Variants in CMPK1 observed in about 807,000 individuals in gnomAD.
CMPK1 encodes the protein UMP-CMP kinase.
In CMPK1, 10 loss-of-function variants were observed where a neutral mutation model predicts 25.7. That is an observed-to-expected ratio of 0.39 (90% CI 0.24 to 0.66). CMPK1 has a LOEUF of 0.66. Ranked by LOEUF, CMPK1 falls within the 30% of genes least tolerant of loss-of-function variation. The pLI is 0.48. For synonymous variants in CMPK1, 106 were observed against 101.5 expected, an observed-to-expected ratio of 1.04 and a Z score of -0.27; for missense variants, 199 against 280.5, an observed-to-expected ratio of 0.71 and a Z score of 2.08.
intron 1 of CMPK1, among the ~76,000 whole-genome samples, chr1:47,354,884 CTT>C (rs1203705333): frequency 1.3e-5 from 2 of 152,120 alleles, no homozygotes; most frequent in African/African-American, 2.4e-5. Flanking sequence ...ATTGAATAAA[CTT>C]AAATAATTTG....
intron 1 of CMPK1, among the ~76,000 whole-genome samples, chr1:47,357,362 C>T (rs1646568565): frequency 6.6e-6 from 1 of 152,024 alleles, no homozygotes; most frequent in Non-Finnish European, 1.5e-5. Context: ...TACATTTATT[C>T]CTAAATGTCA....
At chr1:47,347,819 C>T (rs1266090887) in intron 1 of CMPK1, among the ~76,000 whole-genome samples, 4 of 152,110 alleles carry the variant, frequency 2.6e-5, no homozygotes, top group South Asian at 2.1e-4. Context: ...TTAGTAGAGA[C>T]GGCATTTCAC....
chr1:47,356,482 T>C (rs1646561629), intron 1 of CMPK1, among the ~76,000 whole-genome samples: 2 of 151,366 alleles, frequency 1.3e-5, no homozygotes, highest in Admixed American at 1.3e-4. Flanking sequence ...GTTTTGGCCA[T>C]TCACTCACAT....
chr1:47,335,217 C>T (rs1351665005), intron 1 of CMPK1, among the ~76,000 whole-genome samples: 1 of 152,170 alleles, frequency 6.6e-6, no homozygotes, highest in Non-Finnish European at 1.5e-5. Flanking sequence ...TAGCATGGGG[C>T]TTTTGCTTCT....
intron 2 of CMPK1, 142 bp from the exon 3 acceptor site, chr1:47,372,813 C>CTT (rs58538890): frequency 6.9e-5 from 22 of 316,770 alleles, no homozygotes; most frequent in East Asian, 4.7e-4. Context: ...TTTTTCTTTT[C>CTT]TTTTTTTTTT....
chr1:47,344,714 G>A (rs1196890396), intron 1 of CMPK1, among the ~76,000 whole-genome samples: 6 of 151,956 alleles, frequency 3.9e-5, no homozygotes, highest in African/African-American at 1.4e-4. Context: ...GGCCAGGCTG[G>A]TCTCGAACTC....
intron 1 of CMPK1, among the ~76,000 whole-genome samples, chr1:47,366,915 A>C (rs3122609): frequency 2.6e-5 from 4 of 151,800 alleles, no homozygotes; most frequent in Non-Finnish European, 4.4e-5. Flanking sequence ...TAGTAGAGAC[A>C]GGGTTTCGCC....
chr1:47,360,742 A>G (rs752352492), intron 1 of CMPK1, among the ~76,000 whole-genome samples: 3 of 152,172 alleles, frequency 2.0e-5, no homozygotes, highest in Admixed American at 6.6e-5. Context: ...GCAAATATTT[A>G]TGGATTTACA....
Position 47,375,201 on chromosome 1 carries a change from C to G in CMPK1, c.553C>G (p.Gln185Glu). 6.2e-7 allele frequency: 1 copy of G among 1,607,642 alleles called. No individual in the cohort carries two copies. The highest frequency in any genetic ancestry group is 8.5e-7 in the Non-Finnish European group (1 of 1,176,858). The part of the protein sequence containing the change: ...DNRESLEKRI[Q>E]TYLQSTKPII... ...CAATATTTACTTCTTTTGCAGAATTCAGACCTACCTTCAGTCAACAAAGCC... is the reference window on the plus strand; with the variant it reads ...CAATATTTACTTCTTTTGCAGAATTGAGACCTACCTTCAGTCAACAAAGCC... Residue 185 changes from glutamine (Q) to glutamate (E), a missense_variant, in exon 5 of 6, where the codon CAG (glutamine) becomes GAG (glutamate). Coordinates refer to ENST00000371873, the MANE Select transcript of CMPK1 (RefSeq NM_016308.3).
intron 3 of CMPK1, 141 bp from the exon 4 acceptor site, chr1:47,374,768 T>C: frequency 1.7e-6 from 1 of 577,354 alleles, no homozygotes; most frequent in South Asian, 2.4e-5. Flanking sequence ...AAAAGGACTT[T>C]GCATGTTGAT....
At chr1:47,337,240 G>A (rs900697223) in intron 1 of CMPK1, among the ~76,000 whole-genome samples, 1 of 152,116 alleles carries the variant, frequency 6.6e-6, no homozygotes, top group Non-Finnish European at 1.5e-5. Context: ...CCAAGATCAC[G>A]CCACTGCAGT....
intron 1 of CMPK1, among the ~76,000 whole-genome samples, chr1:47,347,048 C>A (rs1038236200): frequency 2.0e-5 from 3 of 149,528 alleles, no homozygotes; most frequent in African/African-American, 7.4e-5. Flanking sequence ...CTCCCAAAGT[C>A]TTGGGATTAT....
At chr1:47,376,300 AT>A (rs1646707556) in intron 5 of CMPK1, among the ~76,000 whole-genome samples, 1 of 151,406 alleles carries the variant, frequency 6.6e-6, no homozygotes, top group South Asian at 2.1e-4. Flanking sequence ...TGGAGTCTTT[AT>A]TTTTTATATT....
At chr1:47,346,831 C>T (rs1646488277) in intron 1 of CMPK1, among the ~76,000 whole-genome samples, 1 of 151,012 alleles carries the variant, frequency 6.6e-6, no homozygotes, top group South Asian at 2.1e-4. Flanking sequence ...TCCCCCTCCC[C>T]ATCTCTCCTC....
chr1:47,361,742 G>C (rs1014357554), intron 1 of CMPK1, among the ~76,000 whole-genome samples: 1 of 152,192 alleles, frequency 6.6e-6, no homozygotes, highest in Admixed American at 6.5e-5. Context: ...GTTGATAAAG[G>C]GATGTCTATT....
chr1:47,357,961 T>A (rs1369126455), intron 1 of CMPK1, among the ~76,000 whole-genome samples: 2 of 151,988 alleles, frequency 1.3e-5, no homozygotes, highest in East Asian at 3.9e-4. Flanking sequence ...ATATTGATAT[T>A]GAGCCAGTTT....
chr1:47,340,148 C>T lies in CMPK1; in HGVS notation c.171+6032C>T, dbSNP rs189511463. On this transcript the variant is annotated intron_variant, in intron 1 of 5. Coordinates refer to ENST00000371873, the MANE Select transcript of CMPK1 (RefSeq NM_016308.3). Reference sequence around the variant, plus strand: ...CCAGGCTGCAGTGCAGTGGCACAATCGTGGCTCATTCTCACTGCAGCCTCC... The same window carrying T: ...CCAGGCTGCAGTGCAGTGGCACAATTGTGGCTCATTCTCACTGCAGCCTCC... Among the ~76,000 whole-genome samples the T allele has an allele frequency of 4.0e-5, 6 of 150,606 alleles. No homozygotes were observed. The East Asian group carries it at 1.2e-3, about 30-fold the overall frequency.
chr1:47,347,200 C>CT (rs1183352110), intron 1 of CMPK1, among the ~76,000 whole-genome samples: 9 of 143,912 alleles, frequency 6.3e-5, no homozygotes, highest in African/African-American at 1.7e-4. Flanking sequence ...TCCTTCTTTC[C>CT]TTTTTTCCTT....
At chr1:47,340,489 A>G (rs913753260) in intron 1 of CMPK1, among the ~76,000 whole-genome samples, 1 of 152,178 alleles carries the variant, frequency 6.6e-6, no homozygotes, top group African/African-American at 2.4e-5. Context: ...TGAATGAATC[A>G]ATGATATGGT....
Sources: gnomAD v4.1 joint callset for allele counts (sites outside exome capture counted in the v4.1 genomes callset) on GRCh38, gnomAD v4.1.1 for gene constraint, MANE v1.5 for transcripts, NCBI Gene and HGNC (gene_info 2026-07-23, HGNC 2026-07-21) for gene names.